Variants in TRPC4 observed in about 807,000 individuals in gnomAD.
The protein encoded by TRPC4 is short transient receptor potential channel 4.
A neutral mutation model predicts 99.4 loss-of-function variants in TRPC4; 49 were observed. The observed-to-expected ratio is 0.49, with a 90% confidence interval of 0.39 to 0.63. The LOEUF is 0.63. TRPC4 is among the 20% of genes least tolerant of loss of function. The pLI is 0.00. For missense variants in TRPC4, 898 were observed against 1,152.9 expected, an observed-to-expected ratio of 0.78 and a Z score of 3.20; for synonymous variants, 454 against 425.9, an observed-to-expected ratio of 1.07 and a Z score of -0.81.
chr13:37,779,519 C>T (rs1466270455), intron 2 of TRPC4, among the ~76,000 whole-genome samples: 1 of 151,728 alleles, frequency 6.6e-6, no homozygotes, highest in African/African-American at 2.4e-5. Flanking sequence ...ATCTATTTAT[C>T]TGGAAAGACC....
intron 1 of TRPC4, among the ~76,000 whole-genome samples, chr13:37,811,979 A>G (rs924816817): frequency 6.6e-6 from 1 of 151,962 alleles, no homozygotes; most frequent in Admixed American, 6.6e-5. Context: ...CCAGGCCAAC[A>G]TGGCAAAACA....
intron 2 of TRPC4, among the ~76,000 whole-genome samples, chr13:37,752,219 T>C (rs1399066938): frequency 6.6e-6 from 1 of 151,162 alleles, no homozygotes; most frequent in Non-Finnish European, 1.5e-5. Context: ...CTGTGCAACA[T>C]TTTACTTTCC....
chr13:37,671,435 A>G (rs1222419180), intron 5 of TRPC4, among the ~76,000 whole-genome samples: 1 of 152,156 alleles, frequency 6.6e-6, no homozygotes, highest in Non-Finnish European at 1.5e-5. Context: ...ATACAGATTG[A>G]ACATGGTGAA....
intron 4 of TRPC4, among the ~76,000 whole-genome samples, chr13:37,688,809 A>C (rs1444947052): frequency 1.3e-5 from 2 of 152,136 alleles, no homozygotes; most frequent in Admixed American, 6.5e-5. Context: ...TCTACCACTG[A>C]GACAATTAAC....
Position 37,804,226 on chromosome 13 carries a change from A to G in TRPC4, c.-27-20866T>C, listed in dbSNP as rs566712603. Among the ~76,000 whole-genome samples the G allele has an allele frequency of 5.9e-5, 9 of 152,248 alleles. No homozygotes were observed. The South Asian group carries it at 1.9e-3, about 32-fold the overall frequency. ...GGTGGTATGTCCTAGGCACACTGCC[A>G]TGTTCTTCGTCTATGTTATCTCATT... On this transcript the variant is annotated intron_variant, in intron 1 of 10. Coordinates refer to ENST00000379705, the MANE Select transcript of TRPC4 (RefSeq NM_016179.4).
rs67611413 is a variant in TRPC4 at position 37,698,167 on chromosome 13, C to CTTTTTT, written c.898-5838_898-5833dup. 3.1e-4 allele frequency among the ~76,000 whole-genome samples: 13 copies of CTTTTTT among 42,556 alleles called. 2 individuals carry two copies. The highest frequency in any genetic ancestry group is 1.5e-3 in the South Asian group (1 of 658). 27.9% of individuals were successfully genotyped at this position (42,556 alleles called of 152,430 possible). On this transcript the variant is annotated intron_variant, in intron 3 of 10. Transcript: ENST00000379705. ...TCTCAAGGTTACTCCAAGGACTAAC[C>CTTTTTT]TTTTTTTTTTTGAGTGGGAATCTCA...
chr13:37,834,530 A>T (rs1180137655), intron 1 of TRPC4, among the ~76,000 whole-genome samples: 1 of 152,192 alleles, frequency 6.6e-6, no homozygotes, highest in Non-Finnish European at 1.5e-5. Flanking sequence ...ATTGAAAAAG[A>T]TTACTTTCCT....
At chr13:37,651,491 G>A (rs1405777603) in intron 7 of TRPC4, 32 bp from the exon 8 acceptor site, 41 of 1,588,272 alleles carry the variant, frequency 2.6e-5, no homozygotes, top group Non-Finnish European at 3.5e-5. Context: ...CTGATGATAG[G>A]TTCCTTAATT....
At chr13:37,670,930 A>T (rs1267429810) in intron 5 of TRPC4, among the ~76,000 whole-genome samples, 3 of 152,138 alleles carry the variant, frequency 2.0e-5, no homozygotes, top group East Asian at 1.9e-4. Context: ...GTATAATTCC[A>T]TGTCATTACA....
At chr13:37,708,139 A>C (rs1329856627) in intron 3 of TRPC4, among the ~76,000 whole-genome samples, 1 of 152,152 alleles carries the variant, frequency 6.6e-6, no homozygotes, top group Non-Finnish European at 1.5e-5. Flanking sequence ...AAATCTTAGC[A>C]ATAATAAACA....
At chr13:37,707,283 A>T (rs1466430714) in intron 3 of TRPC4, among the ~76,000 whole-genome samples, 2 of 152,176 alleles carry the variant, frequency 1.3e-5, no homozygotes, top group African/African-American at 4.8e-5. Flanking sequence ...AACATATACC[A>T]TAGAACATAT....
In TRPC4 at chr13:37,783,007, G is replaced by A. The variant is rs775488052; in HGVS notation, c.327C>T (p.Val109=). ...ALLHAIRKEV[V]GAVELLLNHK... is the part of the protein sequence containing the mutation. ...GGTTCAATAACAGCTCAACAGCTCC[G>A]ACGACTTCTTTTCTGATAGCATGTA... The change falls in exon 2 of 11, where the codon GTC becomes GTT. Residue 109 remains valine (V), a synonymous_variant. Coordinates refer to ENST00000379705, the MANE Select transcript of TRPC4 (RefSeq NM_016179.4). 3.1e-6 allele frequency: 5 copies of A among 1,605,970 alleles called. No individual in the cohort carries two copies. Among genetic ancestry groups the A allele is most frequent in the East Asian group, 2.2e-5 (1 of 44,754 alleles).
chr13:37,863,222 G>T (rs116442389), intron 1 of TRPC4, among the ~76,000 whole-genome samples: 2,348 of 151,444 alleles, frequency 0.016, 60 homozygotes, highest in African/African-American at 0.054. Context: ...GATTTAGGGG[G>T]CCTACTTACA....
intron 2 of TRPC4, among the ~76,000 whole-genome samples, chr13:37,756,971 C>T (rs1269873163): frequency 6.6e-6 from 1 of 151,938 alleles, no homozygotes; most frequent in Non-Finnish European, 1.5e-5. Context: ...TTTTGTGTGC[C>T]ATGGATTTCT....
chr13:37,849,697 C>T (rs1298055031), intron 1 of TRPC4, among the ~76,000 whole-genome samples: 2 of 152,164 alleles, frequency 1.3e-5, no homozygotes, highest in African/African-American at 4.8e-5. Flanking sequence ...AAACAAAAAA[C>T]ACAAACTTGG....
chr13:37,655,662 C>T (rs943317925), intron 6 of TRPC4, among the ~76,000 whole-genome samples: 18 of 152,006 alleles, frequency 1.2e-4, no homozygotes, highest in African/African-American at 4.3e-4. Context: ...GTAAAATTCA[C>T]ATCTCTATAT....
At chr13:37,837,496 A>C (rs1958598924) in intron 1 of TRPC4, among the ~76,000 whole-genome samples, 1 of 152,246 alleles carries the variant, frequency 6.6e-6, no homozygotes, top group African/African-American at 2.4e-5. Context: ...AAAGGAGATC[A>C]TTTTGGAGCT....
At chr13:37,723,421 G>A (rs1954939149) in intron 3 of TRPC4, among the ~76,000 whole-genome samples, 1 of 152,076 alleles carries the variant, frequency 6.6e-6, no homozygotes, top group Non-Finnish European at 1.5e-5. Context: ...AAATATATAT[G>A]TTATTCATTA....
At chr13:37,719,989 T>C (rs545927567) in intron 3 of TRPC4, among the ~76,000 whole-genome samples, 1 of 152,148 alleles carries the variant, frequency 6.6e-6, no homozygotes, top group South Asian at 2.1e-4. Flanking sequence ...GAAGTGTTCT[T>C]AAAAGATGGA....
Sources: allele counts gnomAD v4.1 joint callset (sites outside exome capture counted in the v4.1 genomes callset), GRCh38; gene constraint gnomAD v4.1.1; transcripts MANE v1.5; gene names NCBI Gene and HGNC (gene_info 2026-07-23, HGNC 2026-07-21).